The following TMEM45A variants were observed in gnomAD, a reference collection of about 807,000 sequenced individuals.
The protein encoded by TMEM45A is DNA polymerase-transactivated protein 4.
TMEM45A carries 25 observed loss-of-function variants against 32.0 expected under a neutral mutation model. That is an observed-to-expected ratio of 0.78 (90% CI 0.57 to 1.09). TMEM45A has a LOEUF of 1.09. TMEM45A is among the 50% of genes least tolerant of loss of function. The probability of loss-of-function intolerance (pLI) is 0.00; values close to 1 mark genes in which losing one functional copy is unlikely to be tolerated. For synonymous variants in TMEM45A, 122 were observed against 114.8 expected (o/e 1.06, Z -0.40); for missense variants, 302 against 325.0 (o/e 0.93, Z 0.54).
intron 2 of TMEM45A, 45 bp downstream of exon 2, chr3:100,555,446 T>C: frequency 6.6e-7 from 1 of 1,524,102 alleles, no homozygotes; most frequent in Non-Finnish European, 8.8e-7. Flanking sequence ...TTAGGTGTTT[T>C]CATTCTTTTA....
chr3:100,509,225 A>G (rs998908389), intron 1 of TMEM45A, among the ~76,000 whole-genome samples: 3 of 152,234 alleles, frequency 2.0e-5, no homozygotes. Flanking sequence ...AATCAAAACC[A>G]CAATGAGATA....
At chr3:100,513,057 C>T (rs992357178) in intron 1 of TMEM45A, among the ~76,000 whole-genome samples, 3 of 146,870 alleles carry the variant, frequency 2.0e-5, no homozygotes, top group African/African-American at 7.6e-5. Flanking sequence ...CAAGGAGGAA[C>T]TGGTACCATT....
At chr3:100,553,201 G>A (rs1466112388) in intron 1 of TMEM45A, among the ~76,000 whole-genome samples, 1 of 152,058 alleles carries the variant, frequency 6.6e-6, no homozygotes, top group Non-Finnish European at 1.5e-5. Context: ...GGCACTGAGG[G>A]GTTAAGTAAC....
chr3:100,501,644 TCTAA>T (rs1428486665), intron 1 of TMEM45A, among the ~76,000 whole-genome samples: 2 of 152,256 alleles, frequency 1.3e-5, no homozygotes, highest in African/African-American at 4.8e-5. Flanking sequence ...AACTCACTTG[TCTAA>T]CTAAGCTGAA....
intron 1 of TMEM45A, among the ~76,000 whole-genome samples, chr3:100,514,582 T>A (rs59596155): frequency 5.3e-5 from 8 of 151,162 alleles, no homozygotes; most frequent in African/African-American, 1.9e-4. Flanking sequence ...ACTTCATGTC[T>A]AAAACACCAA....
At chr3:100,569,528 T>G (rs1706515692) in intron 5 of TMEM45A, among the ~76,000 whole-genome samples, 1 of 152,206 alleles carries the variant, frequency 6.6e-6, no homozygotes, top group African/African-American at 2.4e-5. Flanking sequence ...AGAACACATA[T>G]TTTTAGCTGC....
At chr3:100,552,159 A>G (rs1248633700) in intron 1 of TMEM45A, among the ~76,000 whole-genome samples, 1 of 152,236 alleles carries the variant, frequency 6.6e-6, no homozygotes, top group Non-Finnish European at 1.5e-5. Flanking sequence ...AAAAGCAACC[A>G]AAATTTTTGT....
At chr3:100,562,311 T>C (rs1706353507) in intron 4 of TMEM45A, among the ~76,000 whole-genome samples, 1 of 152,204 alleles carries the variant, frequency 6.6e-6, no homozygotes, top group African/African-American at 2.4e-5. Context: ...TAATGAGTTG[T>C]GGCAGTTTCT....
chr3:100,526,662 G>T (rs1438636899), intron 1 of TMEM45A, among the ~76,000 whole-genome samples: 1 of 152,120 alleles, frequency 6.6e-6, no homozygotes, highest in African/African-American at 2.4e-5. Flanking sequence ...TAGCCATAAA[G>T]AACTTTGTTA....
At chr3:100,558,982 A>G (rs1254470288) in intron 4 of TMEM45A, among the ~76,000 whole-genome samples, 1 of 152,222 alleles carries the variant, frequency 6.6e-6, no homozygotes. Context: ...AAACTTTTAT[A>G]TATACATTGT....
intron 1 of TMEM45A, among the ~76,000 whole-genome samples, chr3:100,538,688 C>A (rs555555455): frequency 6.6e-6 from 1 of 152,182 alleles, no homozygotes; most frequent in African/African-American, 2.4e-5. Flanking sequence ...AGCAGCAAAA[C>A]CCTTCCTGGA....
chr3:100,529,071 T>C (rs538367869), intron 1 of TMEM45A, among the ~76,000 whole-genome samples: 2 of 152,348 alleles, frequency 1.3e-5, no homozygotes, highest in East Asian at 3.9e-4. Context: ...GTTCATTTTA[T>C]AAAGTTGTAT....
At position 100,555,388 on chromosome 3, in the gene TMEM45A, C is replaced by A. The variant is rs910971463; in HGVS notation, c.177C>A (p.Gly59=). ...TTTTGGAGGGAATTACAATAGTTGG[C>A]ATGGCTTTAACTGGTGAGTGGACCA... ...LEILEGITIV[G]MALTGMAGEQ... Residue 59 remains glycine (G), a synonymous_variant, in exon 2 of 6, where the codon GGC becomes GGA. Transcript: ENST00000323523. 2 of 1,613,386 alleles carry A rather than the reference C, an allele frequency of 1.2e-6. No homozygotes were observed. The highest frequency in any genetic ancestry group is 2.7e-5 in the African/African-American group (2 of 74,896).
intron 1 of TMEM45A, among the ~76,000 whole-genome samples, chr3:100,524,646 C>T (rs1047023310): frequency 6.6e-6 from 1 of 152,156 alleles, no homozygotes; most frequent in African/African-American, 2.4e-5. Context: ...AGTTAACACT[C>T]CACCTTGTCC....
At chr3:100,524,294 C>T (rs1466707733) in intron 1 of TMEM45A, among the ~76,000 whole-genome samples, 3 of 152,174 alleles carry the variant, frequency 2.0e-5, no homozygotes, top group African/African-American at 4.8e-5. Flanking sequence ...CATTTATAAA[C>T]GTGGTTCTCA....
chr3:100,556,719 G>A (rs1343425747), intron 2 of TMEM45A, 41 bp from the exon 3 acceptor site: 2 of 1,552,758 alleles, frequency 1.3e-6, no homozygotes, highest in South Asian at 1.1e-5. Flanking sequence ...TGAATTCTAT[G>A]TAAAGCAGAG....
At chr3:100,514,639 A>C (rs1036051471) in intron 1 of TMEM45A, among the ~76,000 whole-genome samples, 11 of 152,204 alleles carry the variant, frequency 7.2e-5, no homozygotes, top group Non-Finnish European at 1.6e-4. Flanking sequence ...ATCTAATTAA[A>C]CTAAAGAGCT....
At chr3:100,559,809 A>G (rs1706295218) in intron 4 of TMEM45A, among the ~76,000 whole-genome samples, 1 of 152,082 alleles carries the variant, frequency 6.6e-6, no homozygotes, top group African/African-American at 2.4e-5. Flanking sequence ...ATAAAATAAA[A>G]TAAAATAAAA....
Position 100,575,366 on chromosome 3 carries a change from T to C in TMEM45A, c.735-1559T>C, listed in dbSNP as rs949529041. ...TTCCCCCAGGCCTATGGATTCTCTT[T>C]TTTTTTTTTTTTTTTTTTTTTTTTG... On this transcript the variant is annotated intron_variant, in intron 5 of 5. Coordinates refer to ENST00000323523, the MANE Select transcript of TMEM45A (RefSeq NM_018004.3). 3.1e-4 allele frequency among the ~76,000 whole-genome samples: 36 copies of C among 116,148 alleles called. 2 individuals carry two copies. The highest frequency in any genetic ancestry group is 1.5e-3 in the African/African-American group (33 of 21,724). The allele number at this position is 116,148 out of a possible 152,430, so 76.2% of individuals were successfully genotyped here. A position where few individuals can be genotyped will look rare whatever the true frequency, so the allele number is the denominator to read the frequency against.
Sources: gnomAD v4.1 joint callset for allele counts (sites outside exome capture counted in the v4.1 genomes callset) on GRCh38, gnomAD v4.1.1 for gene constraint, MANE v1.5 for transcripts, NCBI Gene and HGNC (gene_info 2026-07-23, HGNC 2026-07-21) for gene names.